The following CR1L variants were observed in gnomAD, a reference collection of about 807,000 sequenced individuals.
The protein encoded by CR1L is complement component receptor 1-like protein.
Under a neutral mutation model 62.3 loss-of-function variants are expected in CR1L, and 59 were observed. The ratio of observed to expected loss-of-function variants is 0.95; its 90% CI spans 0.77 to 1.18. The LOEUF (loss-of-function observed/expected upper bound fraction) is 1.18, where lower values mean the gene tolerates loss of function less well. CR1L is among the 50% of genes most tolerant of loss of function. The pLI, the probability that CR1L is intolerant of heterozygous loss-of-function variation, is 0.00. For missense variants in CR1L, 700 were observed against 702.8 expected (o/e 1.00, Z 0.04); for synonymous variants, 279 against 248.7 (o/e 1.12, Z -1.15).
intron 1 of CR1L, among the ~76,000 whole-genome samples, chr1:207,646,357 C>G (rs1663124789): frequency 6.6e-6 from 1 of 152,116 alleles, no homozygotes; most frequent in Non-Finnish European, 1.5e-5. Flanking sequence ...AGCTCATAAA[C>G]TGAAGCTTAA....
chr1:207,670,323 C>T (rs1450782394), intron 1 of CR1L, among the ~76,000 whole-genome samples: 2 of 151,228 alleles, frequency 1.3e-5, no homozygotes, highest in Non-Finnish European at 2.9e-5. Flanking sequence ...AATGTAACCG[C>T]TGCAGGTAGA....
intron 11 of CR1L, among the ~76,000 whole-genome samples, chr1:207,719,240 C>A (rs1654076722): frequency 1.4e-5 from 2 of 141,408 alleles, no homozygotes; most frequent in South Asian, 2.3e-4. Context: ...CACATGTACC[C>A]TAAAACTTAA....
intron 11 of CR1L, among the ~76,000 whole-genome samples, chr1:207,718,378 CT>C (rs1356617476): frequency 6.6e-6 from 1 of 152,202 alleles, no homozygotes; most frequent in Non-Finnish European, 1.5e-5. Context: ...AAGCTCCATC[CT>C]CCAGTAAGGA....
At chr1:207,696,483 G>C (rs1264180034) in intron 5 of CR1L, among the ~76,000 whole-genome samples, 1 of 152,178 alleles carries the variant, frequency 6.6e-6, no homozygotes, top group Non-Finnish European at 1.5e-5. Context: ...GAAGTGTGAG[G>C]CTAGGGGCCA....
intron 1 of CR1L, among the ~76,000 whole-genome samples, chr1:207,663,109 G>A (rs1332109037): frequency 6.6e-6 from 1 of 152,202 alleles, no homozygotes; most frequent in Admixed American, 6.5e-5. Context: ...CACTTGAGGA[G>A]GTAGTCTGCC....
At chr1:207,675,830 A>G (rs1469795346) in intron 1 of CR1L, among the ~76,000 whole-genome samples, 1 of 152,238 alleles carries the variant, frequency 6.6e-6, no homozygotes, top group African/African-American at 2.4e-5. Context: ...CAAGGCCTTA[A>G]GGGGCCTAGC....
chr1:207,668,366 A>G (rs533459458), intron 1 of CR1L, among the ~76,000 whole-genome samples: 2 of 151,320 alleles, frequency 1.3e-5, no homozygotes, highest in South Asian at 4.1e-4. Flanking sequence ...TATCATTTGC[A>G]GCAACATGGA....
At chr1:207,666,952 C>T (rs1229680733) in intron 1 of CR1L, among the ~76,000 whole-genome samples, 1 of 152,140 alleles carries the variant, frequency 6.6e-6, no homozygotes, top group Non-Finnish European at 1.5e-5. Flanking sequence ...CTCATTGATT[C>T]CTGTGATTTT....
At position 207,694,659 on chromosome 1, in the gene CR1L, G is replaced by T; in HGVS notation, c.770G>T (p.Arg257Met). ...LFSLNEVVEF[R>M]CQPGFGMKGP... ...TCCTTAAATGAAGTTGTGGAGTTTA[G>T]GTGTCAGCCTGGCTTTGGCATGAAA... The change falls in exon 5 of 12, where the codon AGG becomes ATG. Residue 257 changes from arginine to methionine, a missense_variant. Coordinates refer to ENST00000508064, the MANE Select transcript of CR1L (RefSeq NM_175710.2). The T allele has an allele frequency of 6.2e-7, 1 of 1,611,866 alleles. No individual in the cohort carries two copies. Among genetic ancestry groups the T allele is most frequent in the Non-Finnish European group, 8.5e-7 (1 of 1,179,726 alleles).
At chr1:207,651,129 G>A (rs927873173) in intron 1 of CR1L, among the ~76,000 whole-genome samples, 1 of 151,960 alleles carries the variant, frequency 6.6e-6, no homozygotes, top group East Asian at 1.9e-4. Flanking sequence ...GGAACTTTGG[G>A]GAAATTTCTG....
rs57151160 is a variant in CR1L at position 207,677,307 on chromosome 1, C to CAAAAAAAAAAAAAAA, written c.98-66_98-52dup. 2.2e-5 allele frequency: 11 copies of CAAAAAAAAAAAAAAA among 506,376 alleles called. 1 individual carries two copies. The highest frequency in any genetic ancestry group is 8.1e-5 in the African/African-American group (2 of 24,754). 31.4% of individuals were successfully genotyped at this position (506,376 alleles called of 1,614,324 possible). A position where few individuals can be genotyped will look rare whatever the true frequency, so the allele number is the denominator to read the frequency against. On this transcript the variant is annotated intron_variant, in intron 1 of 11. Coordinates refer to ENST00000508064, the MANE Select transcript of CR1L (RefSeq NM_175710.2). ...TGGGTGACAGAGGGAGACTCTGTCA[C>CAAAAAAAAAAAAAAA]AAAAAAAAAAAAAAAAAAAAAAAAA...
chr1:207,655,598 A>T (rs1288733668), intron 1 of CR1L, among the ~76,000 whole-genome samples: 1 of 151,986 alleles, frequency 6.6e-6, no homozygotes, highest in Non-Finnish European at 1.5e-5. Context: ...GTGCCACCAT[A>T]CCTGGCTTTT....
At chr1:207,681,513 A>G (rs964800815) in intron 3 of CR1L, among the ~76,000 whole-genome samples, 2 of 152,238 alleles carry the variant, frequency 1.3e-5, no homozygotes, top group South Asian at 4.1e-4. Flanking sequence ...CAAGTACTTA[A>G]TCTACTTTGG....
Position 207,697,779 on chromosome 1 carries a change from T to C in CR1L, c.1048T>C (p.Cys350Arg). ...PAAPRCEVKS[C>R]DDFLGQLPNG... is the part of the protein sequence containing the mutation. ...TTTTTCTTTTTTTCCAGTGAAATCC[T>C]GTGATGACTTCCTGGGCCAACTTCC... The change falls in exon 7 of 12, where the codon TGT (cysteine) becomes CGT (arginine). Residue 350 changes from cysteine to arginine, a missense_variant. By Grantham distance (180) the Cys-to-Arg change is radical. Transcript: ENST00000508064. 1.2e-6 allele frequency: 2 copies of C among 1,614,070 alleles called. No individual in the cohort carries two copies. The highest frequency in any genetic ancestry group is 1.7e-6 in the Non-Finnish European group (2 of 1,179,894).
intron 1 of CR1L, chr1:207,655,234 G>A (rs757719482): frequency 2.9e-6 from 2 of 700,512 alleles, no homozygotes; most frequent in Admixed American, 4.6e-5. Context: ...GAACTTAAAG[G>A]ATCAGTAGCA....
chr1:207,660,204 G>A (rs918546896), intron 1 of CR1L, among the ~76,000 whole-genome samples: 19 of 152,234 alleles, frequency 1.2e-4, no homozygotes, highest in African/African-American at 4.1e-4. Context: ...CTCCTATAAC[G>A]GACAGACTGC....
chr1:207,679,087 C>T (rs1663753061), intron 3 of CR1L, among the ~76,000 whole-genome samples: 1 of 150,894 alleles, frequency 6.6e-6, no homozygotes, highest in Admixed American at 6.6e-5. Flanking sequence ...AGCTCCACCT[C>T]CCGGGTTCCT....
intron 1 of CR1L, among the ~76,000 whole-genome samples, chr1:207,661,526 A>G (rs1375231069): frequency 6.6e-6 from 1 of 151,832 alleles, no homozygotes; most frequent in African/African-American, 2.4e-5. Flanking sequence ...CTTTATTTTG[A>G]GCCTATGTGT....
intron 7 of CR1L, among the ~76,000 whole-genome samples, chr1:207,698,719 C>T (rs1664147197): frequency 6.6e-6 from 1 of 152,164 alleles, no homozygotes; most frequent in African/African-American, 2.4e-5. Context: ...GCCCAAATTG[C>T]CCTTTTGAGC....
Sources: gnomAD v4.1 joint callset for allele counts (sites outside exome capture counted in the v4.1 genomes callset) on GRCh38, gnomAD v4.1.1 for gene constraint, MANE v1.5 for transcripts, NCBI Gene and HGNC (gene_info 2026-07-23, HGNC 2026-07-21) for gene names.